Variants in ZFAND3 observed in about 807,000 individuals in gnomAD.
ZFAND3 encodes the protein AN1-type zinc finger protein 3.
Under a neutral mutation model 29.6 loss-of-function variants are expected in ZFAND3, and 10 were observed. The ratio of observed to expected loss-of-function variants is 0.34; its 90% CI spans 0.21 to 0.57. The LOEUF is 0.57. ZFAND3 is among the 20% of genes least tolerant of loss of function. The pLI is 0.86. For synonymous variants in ZFAND3, 128 were observed against 112.6 expected, an observed-to-expected ratio of 1.14 and a Z score of -0.87; for missense variants, 230 against 304.5, an observed-to-expected ratio of 0.76 and a Z score of 1.82.
intron 2 of ZFAND3, among the ~76,000 whole-genome samples, chr6:38,000,112 TA>T (rs1286773305): frequency 6.6e-6 from 1 of 152,156 alleles, no homozygotes; most frequent in East Asian, 1.9e-4. Context: ...TATTGGAGTT[TA>T]AACAATTTTT....
intron 4 of ZFAND3, among the ~76,000 whole-genome samples, chr6:38,103,030 T>C (rs948600174): frequency 1.3e-5 from 2 of 152,204 alleles, no homozygotes; most frequent in Non-Finnish European, 2.9e-5. Flanking sequence ...GTGCTGGGAT[T>C]ATAGGCGTGA....
At chr6:37,966,571 T>A (rs1343685807) in intron 2 of ZFAND3, among the ~76,000 whole-genome samples, 1 of 152,124 alleles carries the variant, frequency 6.6e-6, no homozygotes, top group Non-Finnish European at 1.5e-5. Flanking sequence ...TTTTCTGGAT[T>A]TTCTCATAAG....
rs191681044 is a variant in ZFAND3 at position 37,844,189 on chromosome 6, G to A, written c.71+24173G>A. 2.6e-3 allele frequency among the ~76,000 whole-genome samples: 397 copies of A among 152,210 alleles called. 2 individuals are homozygous for A. Among genetic ancestry groups the A allele is most frequent in the Admixed American group, 0.013 (200 of 15,282 alleles). ...TCTGCCCGCCTCGACCTCCTAAAGT[G>A]TTGGGATTATAGGCGTGAGCCACTG... On this transcript the variant is annotated intron_variant, in intron 1 of 5. Transcript: ENST00000287218.
At chr6:38,067,236 T>G (rs1172394971) in intron 3 of ZFAND3, among the ~76,000 whole-genome samples, 1 of 152,218 alleles carries the variant, frequency 6.6e-6, no homozygotes, top group Non-Finnish European at 1.5e-5. Flanking sequence ...TTATTTTCCA[T>G]CTGTATTTGG....
At chr6:38,076,058 T>C (rs1159765333) in intron 3 of ZFAND3, among the ~76,000 whole-genome samples, 3 of 152,128 alleles carry the variant, frequency 2.0e-5, no homozygotes, top group Non-Finnish European at 2.9e-5. Context: ...GGCCTCGTTT[T>C]CTTTTTTTAA....
intron 4 of ZFAND3, among the ~76,000 whole-genome samples, chr6:38,103,698 G>A (rs919183359): frequency 6.6e-6 from 1 of 151,996 alleles, no homozygotes; most frequent in Admixed American, 6.6e-5. Flanking sequence ...ACAAATCTTT[G>A]AATTCTTATG....
chr6:38,147,083 G>A (rs1204796263), intron 5 of ZFAND3, among the ~76,000 whole-genome samples: 2 of 152,060 alleles, frequency 1.3e-5, no homozygotes, highest in African/African-American at 4.8e-5. Context: ...ATCTAACATT[G>A]AATTTATTCC....
intron 4 of ZFAND3, among the ~76,000 whole-genome samples, chr6:38,105,390 G>A (rs1765187765): frequency 6.6e-6 from 1 of 152,096 alleles, no homozygotes; most frequent in African/African-American, 2.4e-5. Flanking sequence ...GGGTAACAGA[G>A]CAAGACCCAG....
At chr6:37,909,010 TG>T (rs1765469093) in intron 1 of ZFAND3, among the ~76,000 whole-genome samples, 1 of 152,172 alleles carries the variant, frequency 6.6e-6, no homozygotes, top group South Asian at 2.1e-4. Context: ...TTTCTGTACT[TG>T]GGTAAATATA....
In ZFAND3 at chr6:37,953,287, C is replaced by CTAGGTT. The variant is rs200407357; in HGVS notation, c.112+23292_112+23293insTTTAGG. Among the ~76,000 whole-genome samples, 1,416 of 151,800 alleles carry CTAGGTT rather than the reference C, an allele frequency of 9.3e-3. 25 individuals are homozygous for CTAGGTT. Among genetic ancestry groups the CTAGGTT allele is most frequent in the African/African-American group, 0.032 (1,324 of 41,400 alleles). Reference sequence around the variant, plus strand: ...TTGTTGACTTATATTAATGATTAGGCTAGGGTGTATCATATATATTTAACT... The same window carrying CTAGGTT: ...TTGTTGACTTATATTAATGATTAGGCTAGGTTTAGGGTGTATCATATATATTTAACT... On this transcript the variant is annotated intron_variant, in intron 2 of 5. Transcript: ENST00000287218.
intron 2 of ZFAND3, among the ~76,000 whole-genome samples, chr6:37,986,771 A>G (rs1182403472): frequency 6.6e-6 from 1 of 152,238 alleles, no homozygotes; most frequent in Non-Finnish European, 1.5e-5. Context: ...TTAACTATCC[A>G]TACTTAACCA....
At chr6:37,950,650 A>G (rs929067696) in intron 2 of ZFAND3, among the ~76,000 whole-genome samples, 3 of 152,092 alleles carry the variant, frequency 2.0e-5, no homozygotes, top group African/African-American at 4.8e-5. Flanking sequence ...AAGTGCTAGG[A>G]TTACAAGGGT....
At chr6:37,825,666 G>A (rs1003712564) in intron 1 of ZFAND3, among the ~76,000 whole-genome samples, 1 of 152,006 alleles carries the variant, frequency 6.6e-6, no homozygotes, top group Non-Finnish European at 1.5e-5. Flanking sequence ...TTCCAAAATA[G>A]AAGAGAATTC....
chr6:37,897,069 A>G (rs1765234040), intron 1 of ZFAND3, among the ~76,000 whole-genome samples: 1 of 152,136 alleles, frequency 6.6e-6, no homozygotes, highest in African/African-American at 2.4e-5. Context: ...ATGATGTTAA[A>G]TTTACAACGT....
chr6:38,105,412 A>C (rs1234485463), intron 4 of ZFAND3, among the ~76,000 whole-genome samples: 1 of 152,166 alleles, frequency 6.6e-6, no homozygotes, highest in East Asian at 1.9e-4. Flanking sequence ...CTATTAAAAA[A>C]AATTTTTTTA....
intron 4 of ZFAND3, among the ~76,000 whole-genome samples, chr6:38,116,263 T>C (rs752830765): frequency 6.6e-5 from 10 of 152,156 alleles, no homozygotes; most frequent in Non-Finnish European, 1.3e-4. Flanking sequence ...AGGACCCCAT[T>C]TCTAGCTGGA....
rs1401638481 is a variant in ZFAND3, at chr6:38,146,229, G to C, written c.530-6006G>C. On this transcript the variant is annotated intron_variant, in intron 5 of 5. Transcript: ENST00000287218. The stretch of plus-strand genomic sequence containing the variant: ...TCAGATGGAGGGTGTAGCTGGTGGA[G>C]ACCCTGGGGAAACCTTCCCCCCAGA... 2.6e-5 allele frequency among the ~76,000 whole-genome samples: 4 copies of C among 152,170 alleles called. 1 individual carries two copies. Among genetic ancestry groups the C allele is most frequent in the Middle Eastern group, 6.3e-3 (2 of 316 alleles).
At chr6:38,080,604 A>G (rs746406499) in intron 3 of ZFAND3, among the ~76,000 whole-genome samples, 1 of 152,168 alleles carries the variant, frequency 6.6e-6, no homozygotes. Context: ...ACCGAGGATC[A>G]CTTATCCAAG....
At chr6:38,117,296 C>T (rs191893679) in intron 5 of ZFAND3, among the ~76,000 whole-genome samples, 1 of 142,054 alleles carries the variant, frequency 7.0e-6, no homozygotes, top group African/African-American at 2.6e-5. Flanking sequence ...TGAATCCATC[C>T]TCCTGCCTCT....
Sources: gnomAD v4.1 joint callset for allele counts (sites outside exome capture counted in the v4.1 genomes callset) on GRCh38, gnomAD v4.1.1 for gene constraint, MANE v1.5 for transcripts, NCBI Gene and HGNC (gene_info 2026-07-23, HGNC 2026-07-21) for gene names.